The following NAA10 variants were observed in gnomAD, a reference collection of about 807,000 sequenced individuals.
NAA10 encodes N-alpha-acetyltransferase 10, NatA catalytic subunit.
NAA10 carries 6 observed loss-of-function variants against 19.2 expected under a neutral mutation model. That is an observed-to-expected ratio of 0.31 (90% confidence interval 0.17 to 0.62). The LOEUF is 0.62. Among genes scored for constraint, NAA10 ranks in the 20% least tolerant of loss-of-function variants. The probability of loss-of-function intolerance (pLI) is 0.83; values close to 1 mark genes in which losing one functional copy is unlikely to be tolerated. For missense variants in NAA10, 101 were observed against 198.4 expected, an observed-to-expected ratio of 0.51 and a Z score of 2.95; for synonymous variants, 97 against 79.9, an observed-to-expected ratio of 1.21 and a Z score of -1.14.
In NAA10 at chrX:153,935,031, G is replaced by C. The variant is rs1479277066; in HGVS notation, c.-127C>G. 1.5e-6 allele frequency: 1 copy of C among 674,869 alleles called. No homozygotes were observed. Among genetic ancestry groups the C allele is most frequent in the African/African-American group, 2.3e-5 (1 of 42,835 alleles). 55.6% of individuals were successfully genotyped at this position (674,869 alleles called of 1,213,427 possible). A position where few individuals can be genotyped will look rare whatever the true frequency, so the allele number is the denominator to read the frequency against. ...TGGGCTCGCTGGGCGACGGCGGAAG[G>C]GGCGGTGCGCGCCGGGCCGGCCACC... On this transcript the variant is annotated 5_prime_UTR_variant, in exon 1 of 8. Coordinates refer to ENST00000464845, the MANE Select transcript of NAA10 (RefSeq NM_003491.4).
chrX:153,930,733 C>T, intron 7 of NAA10, 30 bp downstream of exon 7: 2 of 1,206,545 alleles, frequency 1.7e-6, no homozygotes, highest in Admixed American at 2.2e-5. Context: ...CGCCCCCGCT[C>T]GCCTTGCTTG....
In NAA10 at chrX:153,930,823, G is replaced by A; in HGVS notation, c.411C>T (p.Tyr137=). 2 of 1,212,099 alleles carry A rather than the reference G, an allele frequency of 1.7e-6. No individual in the cohort carries two copies. ...NFQISEVEPK[Y]YADGEDAYAM... is the part of the protein sequence containing the mutation. ...CATAGGCGTCCTCCCCATCTGCATAGTATTTGGGCTCCACTTCACTGATCC... is the reference window on the plus strand; with the variant it reads ...CATAGGCGTCCTCCCCATCTGCATAATATTTGGGCTCCACTTCACTGATCC... Residue 137 remains tyrosine (Y), a synonymous_variant, in exon 7 of 8, where the codon TAC becomes TAT. Transcript: ENST00000464845.
At chrX:153,931,969 G>A (rs1603290264) in intron 6 of NAA10, 102 bp downstream of exon 6, 5 of 1,207,494 alleles carry the variant, frequency 4.1e-6, no homozygotes, top group East Asian at 3.0e-5. Flanking sequence ...CCCACAGCCG[G>A]CCCACCCCCG....
rs782483831 is a variant in NAA10 at position 153,932,370 on chromosome X, C to T, written c.287G>A (p.Arg96Gln). Reference sequence around the variant, plus strand: ...GGCATTGAAGTTCTCTATCATGGCTCGAGAGGCCTGGTCCATCAGTTTCTG... The same window carrying T: ...GGCATTGAAGTTCTCTATCATGGCTTGAGAGGCCTGGTCCATCAGTTTCTG... Reference protein sequence around the residue: ...LAQKLMDQASRAMIENFNAKY... With the variant: ...LAQKLMDQASQAMIENFNAKY... The change falls in exon 5 of 8, where the codon CGA becomes CAA. Residue 96 changes from arginine (R) to glutamine (Q), a missense_variant. This residue lies in a region of NAA10 where 43 missense variants were observed against 122.6 expected (regional missense o/e 0.35). Transcript: ENST00000464845. 1.7e-6 allele frequency: 2 copies of T among 1,211,609 alleles called. No homozygotes were observed. The highest frequency in any genetic ancestry group is 1.8e-5 in the South Asian group (1 of 56,988).
intron 1 of NAA10, 191 bp downstream of exon 1, chrX:153,934,693 A>G: frequency 3.4e-6 from 2 of 583,725 alleles, no homozygotes; most frequent in Non-Finnish European, 5.4e-6. Flanking sequence ...TCACGCAAAC[A>G]GGAGGGAATC....
intron 1 of NAA10, 108 bp downstream of exon 1, chrX:153,934,776 A>C: frequency 1.2e-6 from 1 of 862,438 alleles, no homozygotes; most frequent in Non-Finnish European, 1.5e-6. Flanking sequence ...CCGCAGGCAC[A>C]CTCAGGGCCA....
At chrX:153,931,470 C>A (rs2065166087) in intron 6 of NAA10, 2 of 804,893 alleles carry the variant, frequency 2.5e-6, no homozygotes, top group Non-Finnish European at 3.0e-6. Flanking sequence ...CCCTACCAAA[C>A]GGGCTGAGTG....
rs782634770 is a variant in NAA10 at position 153,931,655 on chromosome X, C to G, written c.386+416G>C. 4.6e-6 allele frequency: 4 copies of G among 863,529 alleles called. No homozygotes were observed. The East Asian group carries it at 3.3e-4, about 72-fold the overall frequency. 71.2% of individuals were successfully genotyped at this position (863,529 alleles called of 1,213,427 possible). The stretch of plus-strand genomic sequence containing the variant: ...TAGGCTGCCTGGCCACTGGCCCTTC[C>G]TTCCTGAATGTGCATTCTCCTCGAT... On this transcript the variant is annotated intron_variant, in intron 6 of 7. Coordinates refer to ENST00000464845, the MANE Select transcript of NAA10 (RefSeq NM_003491.4).
intron 1 of NAA10, 187 bp from the exon 2 acceptor site, chrX:153,934,662 C>T (rs1303181996): frequency 1.8e-6 from 1 of 564,651 alleles, no homozygotes; most frequent in East Asian, 3.6e-5. Context: ...TCCCCGGAGC[C>T]CACCCAACGG....
rs781840109 is a variant in NAA10, at chrX:153,932,592, G to A, written c.180-8C>T. The A allele has an allele frequency of 5.8e-6, 7 of 1,200,754 alleles. No homozygotes were observed. In the African/African-American group the frequency reaches 8.7e-5, roughly 15 times the overall value. ...TCATCTGGGTCCTCTTCCCTGGAGA[G>A]GGAGAAAGGAGAGGCTGCAAAGGAG... is the stretch of plus-strand genomic sequence containing the variant. On this transcript the variant is annotated splice_region_variant and splice_polypyrimidine_tract_variant and intron_variant, in intron 3 of 7. Coordinates refer to ENST00000464845, the MANE Select transcript of NAA10 (RefSeq NM_003491.4).
At chrX:153,932,774 C>T in intron 3 of NAA10, 190 bp from the exon 4 acceptor site, 1 of 479,350 alleles carries the variant, frequency 2.1e-6, no homozygotes, top group South Asian at 3.0e-5. Context: ...CCAAGCCTGC[C>T]GGGTGTGGGG....
At chrX:153,933,651 G>A (rs1457463052) in intron 3 of NAA10, 1 of 198,266 alleles carries the variant, frequency 5.0e-6, no homozygotes, top group South Asian at 1.2e-4. Flanking sequence ...CAGCCTGGGC[G>A]ACAGGGCAAG....
intron 3 of NAA10, chrX:153,932,822 C>T: frequency 2.3e-6 from 1 of 432,199 alleles, no homozygotes; most frequent in East Asian, 3.8e-5. Context: ...CAGGCCGGGG[C>T]AAGAGGACTG....
At chrX:153,932,854 C>T in intron 3 of NAA10, 1 of 391,445 alleles carries the variant, frequency 2.6e-6, no homozygotes. Flanking sequence ...GAGTTCGAGA[C>T]CAGCCTGGAC....
At chrX:153,932,498 A>G in intron 4 of NAA10, 41 bp downstream of exon 4, 3 of 1,199,667 alleles carry the variant, frequency 2.5e-6, no homozygotes, top group Non-Finnish European at 3.4e-6. Flanking sequence ...ACTAACCCCC[A>G]CTTCCACCCC....
At chrX:153,932,835 T>C in intron 3 of NAA10, 2 of 423,205 alleles carry the variant, frequency 4.7e-6, no homozygotes, top group Non-Finnish European at 8.3e-6. Context: ...GAGGACTGCT[T>C]GAGCCCAGGA....
At chrX:153,934,666 C>G (rs1465544070) in intron 1 of NAA10, 191 bp from the exon 2 acceptor site, 35 of 559,488 alleles carry the variant, frequency 6.3e-5, no homozygotes, top group Non-Finnish European at 9.0e-5. Context: ...CGGAGCCCAC[C>G]CAACGGAGGC....
chrX:153,931,579 G>A, intron 6 of NAA10: 1 of 833,974 alleles, frequency 1.2e-6, no homozygotes, highest in Non-Finnish European at 1.5e-6. Flanking sequence ...TCTCTCTAGT[G>A]TGCTAGGCAC....
Position 153,929,916 on chromosome X carries a change from C to A in NAA10, c.*71G>T. ...CTCTAAATGTGCGCGCGCTCACACA[C>A]AAAGTTCCCCAGTGCCACGGAGCGA... On this transcript the variant is annotated 3_prime_UTR_variant, in exon 8 of 8. Coordinates refer to ENST00000464845, the MANE Select transcript of NAA10 (RefSeq NM_003491.4). 5.4e-6 allele frequency: 5 copies of A among 932,471 alleles called. No homozygotes were observed. The highest frequency in any genetic ancestry group is 7.8e-6 in the Non-Finnish European group (5 of 643,360). The allele number at this position is 932,471 out of a possible 1,213,427, so 76.8% of individuals were successfully genotyped here.
Sources: allele counts gnomAD v4.1 joint callset, GRCh38; gene constraint gnomAD v4.1.1; regional missense constraint gnomAD v4.1.1; transcripts MANE v1.5; gene names NCBI Gene and HGNC (gene_info 2026-07-23, HGNC 2026-07-21).